Variants in GTF2A1L observed in about 807,000 individuals in gnomAD.
GTF2A1L encodes the protein TFIIA-alpha and beta-like factor.
A neutral mutation model predicts 49.7 loss-of-function variants in GTF2A1L; 48 were observed. The observed-to-expected ratio is 0.97, with a 90% confidence interval of 0.77 to 1.23. The LOEUF is 1.23. Ranked by LOEUF, GTF2A1L falls within the 50% of genes most tolerant of loss-of-function variation. GTF2A1L has a pLI of 0.00. For synonymous variants in GTF2A1L, 246 were observed against 193.5 expected (o/e 1.27, Z -2.25); for missense variants, 736 against 564.8 (o/e 1.30, Z -3.07).
At position 48,669,847 on chromosome 2, in the gene GTF2A1L, T is replaced by A. The variant is rs1286953032; in HGVS notation, c.1104T>A (p.Asp368Glu). The A allele has an allele frequency of 6.2e-7, 1 of 1,614,036 alleles. No homozygotes were observed. The highest frequency in any genetic ancestry group is 1.1e-5 in the South Asian group (1 of 91,082). The change falls in exon 7 of 9, where the codon GAT becomes GAA. Residue 368 changes from aspartate to glutamate, a missense_variant. Coordinates refer to ENST00000403751, the MANE Select transcript of GTF2A1L (RefSeq NM_006872.5). ...AAATAGGAAGTACAAGAGATGCAGATGAGAATGAATTTCTAGGGAATATTG... is the reference window on the plus strand; with the variant it reads ...AAATAGGAAGTACAAGAGATGCAGAAGAGAATGAATTTCTAGGGAATATTG... ...NEEIGSTRDA[D>E]ENEFLGNIDG... is the part of the protein sequence containing the mutation.
chr2:48,679,335 A>G lies in GTF2A1L; in HGVS notation c.1330A>G (p.Ile444Val). Residue 444 changes from isoleucine (I) to valine (V), a missense_variant and splice_region_variant, in exon 9 of 9, where the codon ATT (isoleucine) becomes GTT (valine). Physicochemically the swap from Ile to Val is conservative, Grantham distance 29. Coordinates refer to ENST00000403751, the MANE Select transcript of GTF2A1L (RefSeq NM_006872.5). The part of the protein sequence containing the change: ...DNVIVCQYDK[I>V]HRSKNKWKFY... ...ATGTAAACTACTTTTCTCCCTCCAG[A>G]TTCATCGAAGCAAGAACAAATGGAA... 6.2e-7 allele frequency: 1 copy of G among 1,607,952 alleles called. No homozygotes were observed. Among genetic ancestry groups the G allele is most frequent in the South Asian group, 1.1e-5 (1 of 90,078 alleles).
chr2:48,644,671 A>C (rs1039560460), intron 4 of GTF2A1L, among the ~76,000 whole-genome samples: 1 of 152,206 alleles, frequency 6.6e-6, no homozygotes, highest in Admixed American at 6.5e-5. Context: ...TGAGAGAACC[A>C]ATTTTTATCA....
intron 6 of GTF2A1L, among the ~76,000 whole-genome samples, chr2:48,662,269 TAGA>T (rs1161186983): frequency 6.6e-6 from 1 of 152,246 alleles, no homozygotes; most frequent in Non-Finnish European, 1.5e-5. Flanking sequence ...TTAAATGATG[TAGA>T]AGAATAAAAT....
At chr2:48,638,133 C>T (rs1163548132) in intron 3 of GTF2A1L, among the ~76,000 whole-genome samples, 3 of 152,132 alleles carry the variant, frequency 2.0e-5, no homozygotes, top group African/African-American at 2.4e-5. Flanking sequence ...GGATAAACAG[C>T]TGAGTTCTAC....
chr2:48,631,309 A>T lies in GTF2A1L; in HGVS notation c.247+10019A>T, dbSNP rs895486417. 2.0e-5 allele frequency among the ~76,000 whole-genome samples: 3 copies of T among 152,072 alleles called. No individual in the cohort carries two copies. In the South Asian group the frequency reaches 6.2e-4, roughly 31 times the overall value. On this transcript the variant is annotated intron_variant, in intron 3 of 8. Coordinates refer to ENST00000403751, the MANE Select transcript of GTF2A1L (RefSeq NM_006872.5). ...TACTAATTCAATTTTGGAACTCGATATTGGTCTGTTCAGAGTTTTAATTTC... is the reference window on the plus strand; with the variant it reads ...TACTAATTCAATTTTGGAACTCGATTTTGGTCTGTTCAGAGTTTTAATTTC...
At chr2:48,654,753 C>T (rs1426405795) in intron 6 of GTF2A1L, among the ~76,000 whole-genome samples, 1 of 152,164 alleles carries the variant, frequency 6.6e-6, no homozygotes, top group Non-Finnish European at 1.5e-5. Context: ...TGCCTTGTCT[C>T]ACTGAGTTAG....
chr2:48,637,188 T>G (rs1349525176), intron 3 of GTF2A1L, among the ~76,000 whole-genome samples: 1 of 152,190 alleles, frequency 6.6e-6, no homozygotes, highest in African/African-American at 2.4e-5. Flanking sequence ...GTTTCTATAT[T>G]TCCTGAATCA....
At chr2:48,669,233 A>G (rs1048074235) in intron 6 of GTF2A1L, among the ~76,000 whole-genome samples, 1 of 152,100 alleles carries the variant, frequency 6.6e-6, no homozygotes, top group Non-Finnish European at 1.5e-5. Flanking sequence ...TTCTGTTTCT[A>G]TGAATTTGCC....
intron 3 of GTF2A1L, chr2:48,632,728 C>T (rs1019353398): frequency 1.2e-5 from 2 of 161,534 alleles, no homozygotes; most frequent in Admixed American, 6.5e-5. Flanking sequence ...ATATAATGGT[C>T]GAAATAAATG....
intron 3 of GTF2A1L, among the ~76,000 whole-genome samples, chr2:48,638,601 A>G (rs754608174): frequency 6.6e-5 from 10 of 152,186 alleles, no homozygotes; most frequent in Non-Finnish European, 1.3e-4. Flanking sequence ...ATCTATGACA[A>G]ACCTACAGCC....
chr2:48,643,331 C>A (rs1050305548), intron 4 of GTF2A1L, among the ~76,000 whole-genome samples: 3 of 152,238 alleles, frequency 2.0e-5, no homozygotes, highest in African/African-American at 7.2e-5. Context: ...TATCTTTCTT[C>A]CATGGTACTG....
intron 3 of GTF2A1L, among the ~76,000 whole-genome samples, chr2:48,639,588 T>TA (rs1425538519): frequency 6.6e-6 from 1 of 151,854 alleles, no homozygotes; most frequent in Non-Finnish European, 1.5e-5. Flanking sequence ...CCCCAAACTG[T>TA]AAAAAACCCT....
intron 6 of GTF2A1L, among the ~76,000 whole-genome samples, chr2:48,664,899 G>A (rs964564429): frequency 5.9e-5 from 9 of 151,560 alleles, no homozygotes; most frequent in Non-Finnish European, 1.0e-4. Context: ...TCTGTCTGTC[G>A]TGCTAGAGGT....
intron 8 of GTF2A1L, among the ~76,000 whole-genome samples, chr2:48,676,562 T>A (rs563230577): frequency 5.3e-5 from 8 of 151,962 alleles, no homozygotes; most frequent in Admixed American, 1.3e-4. Context: ...AATTGGATTA[T>A]TTGGTCTTAT....
intron 6 of GTF2A1L, among the ~76,000 whole-genome samples, chr2:48,667,048 C>T (rs932396802): frequency 1.3e-5 from 2 of 151,908 alleles, no homozygotes; most frequent in Admixed American, 6.6e-5. Flanking sequence ...ACTGCAGCCT[C>T]AACCTCCCTG....
intron 3 of GTF2A1L, among the ~76,000 whole-genome samples, chr2:48,641,797 G>T (rs1398514454): frequency 6.6e-6 from 1 of 152,164 alleles, no homozygotes; most frequent in Non-Finnish European, 1.5e-5. Context: ...AGATATATGG[G>T]ACTGTAGGTC....
intron 6 of GTF2A1L, among the ~76,000 whole-genome samples, chr2:48,648,039 A>T (rs996268341): frequency 6.6e-6 from 1 of 152,086 alleles, no homozygotes; most frequent in Non-Finnish European, 1.5e-5. Flanking sequence ...ATGATATTTA[A>T]ATTTTGCTAG....
chr2:48,618,279 T>C (rs1181363524), intron 1 of GTF2A1L, among the ~76,000 whole-genome samples: 1 of 152,262 alleles, frequency 6.6e-6, no homozygotes, highest in Non-Finnish European at 1.5e-5. Context: ...TATTATTTAC[T>C]GCTTGAAATA....
intron 6 of GTF2A1L, among the ~76,000 whole-genome samples, chr2:48,663,006 C>G (rs1678604431): frequency 6.6e-6 from 1 of 151,876 alleles, no homozygotes; most frequent in Non-Finnish European, 1.5e-5. Context: ...AAACTAAACC[C>G]CCGTGACACA....
Sources: gnomAD v4.1 joint callset for allele counts (sites outside exome capture counted in the v4.1 genomes callset) on GRCh38, gnomAD v4.1.1 for gene constraint, MANE v1.5 for transcripts, NCBI Gene and HGNC (gene_info 2026-07-23, HGNC 2026-07-21) for gene names.